Variants in ATP10B observed in about 807,000 individuals in gnomAD.
ATP10B encodes phospholipid-transporting ATPase VB.
A neutral mutation model predicts 141.2 loss-of-function variants in ATP10B; 122 were observed. That is an observed-to-expected ratio of 0.86 (90% CI 0.75 to 1.00). ATP10B has a LOEUF of 1.00. Ranked by LOEUF, ATP10B falls within the 50% of genes least tolerant of loss-of-function variation. The pLI, the probability that ATP10B is intolerant of heterozygous loss-of-function variation, is 0.00. For synonymous variants in ATP10B, 685 were observed against 692.0 expected (o/e 0.99, Z 0.16); for missense variants, 1,876 against 1,825.3 (o/e 1.03, Z -0.51).
At position 160,649,321 on chromosome 5, in the gene ATP10B, G is replaced by C. The variant is rs901751362; in HGVS notation, c.676-65C>G. On this transcript the variant is annotated intron_variant, in intron 7 of 25. Coordinates refer to ENST00000327245, the MANE Select transcript of ATP10B (RefSeq NM_025153.3). ...GGATCTAGTTTTAATAGGATCACTG[G>C]GAGAGCTAATCACTGTTAGAACCAT... The C allele has an allele frequency of 3.4e-6, 4 of 1,161,130 alleles. No individual in the cohort carries two copies. In the African/African-American group the frequency reaches 6.1e-5, roughly 18 times the overall value. The allele number at this position is 1,161,130 out of a possible 1,614,324, so 71.9% of individuals were successfully genotyped here.
chr5:160,804,354 C>T (rs964991087), intron 1 of ATP10B, among the ~76,000 whole-genome samples: 3 of 152,072 alleles, frequency 2.0e-5, no homozygotes, highest in Admixed American at 2.0e-4. Flanking sequence ...TCATTTGTTC[C>T]TCAGTGTCTA....
chr5:160,845,017 C>T (rs1418673007), intron 1 of ATP10B, among the ~76,000 whole-genome samples: 1 of 114,902 alleles, frequency 8.7e-6, no homozygotes, highest in Non-Finnish European at 1.9e-5. Flanking sequence ...ATTTGGCCAC[C>T]CTTATTTGTT....
chr5:160,601,728 T>C (rs1757109294), intron 21 of ATP10B, among the ~76,000 whole-genome samples: 1 of 152,224 alleles, frequency 6.6e-6, no homozygotes, highest in Non-Finnish European at 1.5e-5. Flanking sequence ...AAAAGATTAA[T>C]TAATCTCTGT....
intron 22 of ATP10B, among the ~76,000 whole-genome samples, chr5:160,593,566 G>C (rs1024690118): frequency 1.3e-5 from 2 of 152,262 alleles, no homozygotes; most frequent in Non-Finnish European, 2.9e-5. Flanking sequence ...AAGCTGGACA[G>C]AGAATGACTT....
At chr5:160,833,678 G>T (rs1775246010) in intron 1 of ATP10B, among the ~76,000 whole-genome samples, 1 of 152,086 alleles carries the variant, frequency 6.6e-6, no homozygotes, top group Admixed American at 6.6e-5. Context: ...TATGTGAAAG[G>T]ATCTAGTGGA....
At chr5:160,679,287 A>AT (rs1412905542) in intron 6 of ATP10B, among the ~76,000 whole-genome samples, 1 of 152,274 alleles carries the variant, frequency 6.6e-6, no homozygotes, top group Non-Finnish European at 1.5e-5. Flanking sequence ...TACAGAAGAC[A>AT]GATGCTCCAA....
At chr5:160,831,804 G>T (rs992767577) in intron 1 of ATP10B, among the ~76,000 whole-genome samples, 43 of 152,120 alleles carry the variant, frequency 2.8e-4, no homozygotes, top group Admixed American at 2.7e-3. Flanking sequence ...TCTATAGGAT[G>T]TCAAGAGGTA....
intron 20 of ATP10B, 131 bp from the exon 21 acceptor site, chr5:160,602,833 T>C: frequency 7.9e-7 from 1 of 1,269,016 alleles, no homozygotes. Context: ...TTGTGGTCAC[T>C]CTTGGGTAGC....
intron 23 of ATP10B, 41 bp from the exon 24 acceptor site, chr5:160,589,737 T>C: frequency 6.7e-7 from 1 of 1,497,518 alleles, no homozygotes; most frequent in East Asian, 2.3e-5. Context: ...GGTATGTCTG[T>C]GGACTAACTT....
intron 2 of ATP10B, among the ~76,000 whole-genome samples, chr5:160,782,684 G>A (rs34369404): frequency 0.023 from 3,455 of 152,154 alleles, 90 homozygotes; most frequent in Middle Eastern, 0.044. Flanking sequence ...TAAAAATAGT[G>A]ATGATATAGC....
At chr5:160,692,268 TTA>T (rs1330026462) in intron 3 of ATP10B, among the ~76,000 whole-genome samples, 1 of 152,146 alleles carries the variant, frequency 6.6e-6, no homozygotes, top group African/African-American at 2.4e-5. Context: ...AACTAAATAT[TTA>T]TATAGTTTCA....
chr5:160,645,799 A>G (rs955307292), intron 8 of ATP10B, among the ~76,000 whole-genome samples: 2 of 152,196 alleles, frequency 1.3e-5, no homozygotes, highest in Non-Finnish European at 2.9e-5. Context: ...TCTTATCGCT[A>G]AGTCCAGTTA....
chr5:160,784,127 A>T (rs546420883), intron 2 of ATP10B, among the ~76,000 whole-genome samples: 1 of 152,234 alleles, frequency 6.6e-6, no homozygotes, highest in Non-Finnish European at 1.5e-5. Context: ...AGATTTTGAG[A>T]CAGAAAAGTC....
At chr5:160,569,368 T>C (rs1362586862) in intron 25 of ATP10B, 128 bp downstream of exon 25, 4 of 900,556 alleles carry the variant, frequency 4.4e-6, no homozygotes, top group Admixed American at 2.7e-5. Context: ...GTCCCATCTC[T>C]CTGTTTCTGA....
chr5:160,834,495 A>G (rs1775295966), intron 1 of ATP10B, among the ~76,000 whole-genome samples: 1 of 152,148 alleles, frequency 6.6e-6, no homozygotes, highest in Non-Finnish European at 1.5e-5. Context: ...TTTTACATAT[A>G]TCATTAATGG....
chr5:160,823,919 A>T (rs1037643880), intron 1 of ATP10B, among the ~76,000 whole-genome samples: 2 of 152,238 alleles, frequency 1.3e-5, no homozygotes, highest in Non-Finnish European at 2.9e-5. Context: ...AATTAAAATG[A>T]AAAGCCCCAA....
At chr5:160,913,270 G>C in the ATP10B span, among the ~76,000 whole-genome samples, 12 of 152,158 alleles carry the variant, frequency 7.9e-5, no homozygotes, top group Non-Finnish European at 1.5e-4. Context: ...AGGACCGGCT[G>C]CTCCCTGTTG....
rs577268133 is a variant in ATP10B at position 160,686,618 on chromosome 5, T to C, written c.276-345A>G. Among the ~76,000 whole-genome samples the C allele has an allele frequency of 1.9e-3, 292 of 152,312 alleles. 1 individual carries two copies. The highest frequency in any genetic ancestry group is 6.6e-3 in the African/African-American group (273 of 41,574). ...CCCCCTAAGTCCCCAAAGTTTGTTT[T>C]GTCATGCTTATGGATGAGACTGGAG... On this transcript the variant is annotated intron_variant, in intron 5 of 25. Transcript: ENST00000327245.
chr5:160,792,369 G>A (rs1030600220), intron 1 of ATP10B, among the ~76,000 whole-genome samples: 2 of 152,224 alleles, frequency 1.3e-5, no homozygotes, highest in South Asian at 2.1e-4. Context: ...CCCTCTTCCT[G>A]GATCTAAGTG....
Sources: allele counts gnomAD v4.1 joint callset (sites outside exome capture counted in the v4.1 genomes callset), GRCh38; gene constraint gnomAD v4.1.1; transcripts MANE v1.5; gene names NCBI Gene and HGNC (gene_info 2026-07-23, HGNC 2026-07-21).